Variants in PLCH1 observed in about 807,000 individuals in gnomAD.
The protein encoded by PLCH1 is phospholipase C eta 1, also known as 1-phosphatidylinositol 4,5-bisphosphate phosphodiesterase eta-1.
PLCH1 carries 60 observed loss-of-function variants against 126.7 expected under a neutral mutation model. That is an observed-to-expected ratio of 0.47 (90% CI 0.38 to 0.59). PLCH1 has a LOEUF of 0.59. Ranked by LOEUF, PLCH1 falls within the 20% of genes least tolerant of loss-of-function variation. The pLI is 0.00. For missense variants in PLCH1, 1,723 were observed against 2,040.0 expected (o/e 0.84, Z 2.99); for synonymous variants, 719 against 734.9 (o/e 0.98, Z 0.35).
At chr3:155,474,803 C>T (rs1164825544) in intron 21 of PLCH1, among the ~76,000 whole-genome samples, 15 of 113,602 alleles carry the variant, frequency 1.3e-4, no homozygotes, top group African/African-American at 6.7e-4. Flanking sequence ...TGGAAACCAT[C>T]ATTCTCAGTA....
chr3:155,633,224 C>T (rs775278341), intron 2 of PLCH1, among the ~76,000 whole-genome samples: 9 of 152,028 alleles, frequency 5.9e-5, no homozygotes, highest in Admixed American at 1.3e-4. Flanking sequence ...TCAAATGTAT[C>T]ATAGTCCAAG....
intron 2 of PLCH1, among the ~76,000 whole-genome samples, chr3:155,659,896 AG>A (rs1300983184): frequency 6.6e-6 from 1 of 152,078 alleles, no homozygotes; most frequent in Non-Finnish European, 1.5e-5. Flanking sequence ...AGCCTCCAAA[AG>A]CATTGGGATT....
chr3:155,682,786 A>G (rs955248330), intron 2 of PLCH1, among the ~76,000 whole-genome samples: 4 of 152,232 alleles, frequency 2.6e-5, no homozygotes, highest in African/African-American at 9.6e-5. Flanking sequence ...AGACAACAGG[A>G]TAACAGAGTA....
At chr3:155,706,050 T>C (rs1022484678) in intron 1 of PLCH1, among the ~76,000 whole-genome samples, 5 of 151,454 alleles carry the variant, frequency 3.3e-5, no homozygotes, top group Admixed American at 3.3e-4. Context: ...GGCACGCACC[T>C]GTAGTCCCAG....
intron 2 of PLCH1, among the ~76,000 whole-genome samples, chr3:155,648,923 A>T (rs929948038): frequency 6.6e-6 from 1 of 152,212 alleles, no homozygotes; most frequent in Non-Finnish European, 1.5e-5. Context: ...GTGCTGTGAC[A>T]ATGCCCAGGG....
At chr3:155,729,031 T>C (rs1215589557) in intron 1 of PLCH1, among the ~76,000 whole-genome samples, 1 of 152,220 alleles carries the variant, frequency 6.6e-6, no homozygotes, top group Non-Finnish European at 1.5e-5. Context: ...GCTAATTGTC[T>C]CTAAACCAGT....
chr3:155,494,385 G>T lies in PLCH1; in HGVS notation c.2027C>A (p.Ser676Tyr). Residue 676 changes from serine (S) to tyrosine (Y), a missense_variant, in exon 16 of 23, where the codon TCC becomes TAC. Coordinates refer to ENST00000460012, the MANE Select transcript of PLCH1 (RefSeq NM_014996.4). The part of the protein sequence containing the change: ...RIYPSAYRID[S>Y]SNFNPLPYWN... ...GTAGGGGAGAGGGTTGAAGTTACTG[G>T]AATCAATGCGGTAGGCAGAGGGGTA... The T allele has an allele frequency of 1.2e-6, 2 of 1,614,142 alleles. No homozygotes were observed. The highest frequency in any genetic ancestry group is 1.7e-6 in the Non-Finnish European group (2 of 1,179,982).
chr3:155,635,154 C>T (rs1381426485), intron 2 of PLCH1, among the ~76,000 whole-genome samples: 1 of 148,578 alleles, frequency 6.7e-6, no homozygotes, highest in Non-Finnish European at 1.5e-5. Flanking sequence ...AAAAAAAAAA[C>T]TAAAATCTCT....
At chr3:155,526,953 G>A (rs1576914261) in intron 10 of PLCH1, among the ~76,000 whole-genome samples, 1 of 152,288 alleles carries the variant, frequency 6.6e-6, no homozygotes, top group East Asian at 1.9e-4. Context: ...CATCATCCAC[G>A]CAATGGACAT....
chr3:155,646,154 G>A (rs1309966529), intron 2 of PLCH1, among the ~76,000 whole-genome samples: 1 of 152,088 alleles, frequency 6.6e-6, no homozygotes, highest in Non-Finnish European at 1.5e-5. Context: ...CCCTGAGAGA[G>A]GCAGTTCCTC....
At chr3:155,506,689 T>C (rs1422491223) in intron 12 of PLCH1, among the ~76,000 whole-genome samples, 1 of 148,628 alleles carries the variant, frequency 6.7e-6, no homozygotes, top group Non-Finnish European at 1.5e-5. Context: ...AACTCGTCAT[T>C]TTTTATGGCT....
intron 2 of PLCH1, among the ~76,000 whole-genome samples, chr3:155,622,886 G>A (rs1007204771): frequency 4.6e-5 from 7 of 152,054 alleles, no homozygotes; most frequent in South Asian, 2.1e-4. Flanking sequence ...TATCCAGGGC[G>A]TGAACTCAGC....
rs763674639 is a variant in PLCH1, at chr3:155,549,844, T to C, written c.1305A>G (p.Thr435=). The C allele has an allele frequency of 9.9e-6, 16 of 1,614,028 alleles. No individual in the cohort carries two copies. Among genetic ancestry groups the C allele is most frequent in the Non-Finnish European group, 1.3e-5 (15 of 1,179,878 alleles). ...GDKLDLSSVD[T]GECKQLPSPQ... ...GGCTTGGAAGCTGCTTGCACTCCCC[T>C]GTATCAACAGATGACAGGTCCAGTT... Residue 435 remains threonine, a synonymous_variant, in exon 10 of 23, where the codon ACA becomes ACG. Coordinates refer to ENST00000460012, the MANE Select transcript of PLCH1 (RefSeq NM_014996.4).
At chr3:155,683,928 A>G (rs1744727503) in intron 2 of PLCH1, among the ~76,000 whole-genome samples, 1 of 152,216 alleles carries the variant, frequency 6.6e-6, no homozygotes, top group Non-Finnish European at 1.5e-5. Context: ...TCCAGAATAA[A>G]TCCTAAGTGC....
At chr3:155,489,826 G>T (rs888565708) in intron 19 of PLCH1, among the ~76,000 whole-genome samples, 1 of 151,974 alleles carries the variant, frequency 6.6e-6, no homozygotes, top group East Asian at 1.9e-4. Context: ...TATGCATTTC[G>T]GAGGTATCAA....
intron 2 of PLCH1, chr3:155,675,961 T>A (rs755498993): frequency 6.9e-6 from 8 of 1,162,846 alleles, no homozygotes; most frequent in Non-Finnish European, 8.7e-6. Context: ...ACTAGGACTA[T>A]TACACTTACC....
intron 21 of PLCH1, among the ~76,000 whole-genome samples, chr3:155,465,351 T>C (rs1712887917): frequency 6.6e-6 from 1 of 152,050 alleles, no homozygotes; most frequent in African/African-American, 2.4e-5. Flanking sequence ...AAACACTAGC[T>C]TCCAGATGAC....
intron 2 of PLCH1, among the ~76,000 whole-genome samples, chr3:155,605,041 C>A (rs1185908405): frequency 6.6e-6 from 1 of 152,196 alleles, no homozygotes; most frequent in Non-Finnish European, 1.5e-5. Flanking sequence ...TTCAAGTTGG[C>A]CCAGCAGACT....
At chr3:155,525,898 A>T (rs1389854547) in intron 10 of PLCH1, among the ~76,000 whole-genome samples, 1 of 152,222 alleles carries the variant, frequency 6.6e-6, no homozygotes, top group Admixed American at 6.5e-5. Context: ...TAACAGTACT[A>T]TGAGGGAAAT....
Sources: allele counts gnomAD v4.1 joint callset (sites outside exome capture counted in the v4.1 genomes callset), GRCh38; gene constraint gnomAD v4.1.1; transcripts MANE v1.5; gene names NCBI Gene and HGNC (gene_info 2026-07-23, HGNC 2026-07-21).